The following TNKS1BP1 variants were observed in gnomAD, a reference collection of about 807,000 sequenced individuals.
The protein encoded by TNKS1BP1 is CCR4-NOT transcription complex subunit 12.
A neutral mutation model predicts 141.1 loss-of-function variants in TNKS1BP1; 48 were observed. That is an observed-to-expected ratio of 0.34 (90% CI 0.27 to 0.43). The LOEUF (loss-of-function observed/expected upper bound fraction) is 0.43, where lower values mean the gene tolerates loss of function less well. Ranked by LOEUF, TNKS1BP1 falls within the 20% of genes least tolerant of loss-of-function variation. The probability of loss-of-function intolerance (pLI) is 1.00; values close to 1 mark genes in which losing one functional copy is unlikely to be tolerated. For missense variants in TNKS1BP1, 2,149 were observed against 2,226.0 expected (o/e 0.97, Z 0.70); for synonymous variants, 875 against 898.2 (o/e 0.97, Z 0.46).
intron 5 of TNKS1BP1, among the ~76,000 whole-genome samples, chr11:57,312,082 A>G (rs1158876391): frequency 1.3e-5 from 2 of 152,204 alleles, no homozygotes; most frequent in Admixed American, 1.3e-4. Flanking sequence ...ACCTGGGCAA[A>G]GGAAAGCAGA....
At chr11:57,323,460 A>C (rs1168909452) in intron 1 of TNKS1BP1, among the ~76,000 whole-genome samples, 1 of 152,194 alleles carries the variant, frequency 6.6e-6, no homozygotes. Flanking sequence ...CCAACCTGCA[A>C]GGGGCATTGC....
chr11:57,314,927 C>T (rs1218738657), intron 4 of TNKS1BP1, among the ~76,000 whole-genome samples: 2 of 152,172 alleles, frequency 1.3e-5, no homozygotes, highest in African/African-American at 2.4e-5. Flanking sequence ...CCCTCTGCAA[C>T]GTTCTAATGT....
intron 4 of TNKS1BP1, among the ~76,000 whole-genome samples, chr11:57,315,232 A>C (rs11604778): frequency 2.0e-5 from 3 of 150,014 alleles, no homozygotes; most frequent in Non-Finnish European, 3.0e-5. Flanking sequence ...CCACTTGCCC[A>C]CCCCCACCGC....
At chr11:57,322,332 T>C in intron 1 of TNKS1BP1, 1 of 989,154 alleles carries the variant, frequency 1.0e-6, no homozygotes, top group African/African-American at 1.7e-5. Context: ...TGTCTGTGAA[T>C]CACCTCACGG....
Position 57,302,623 on chromosome 11 carries a change from A to C in TNKS1BP1, c.4519T>G (p.Trp1507Gly). The C allele has an allele frequency of 6.2e-7, 1 of 1,611,908 alleles. No individual in the cohort carries two copies. Among genetic ancestry groups the C allele is most frequent in the Non-Finnish European group, 8.5e-7 (1 of 1,179,616 alleles). ...LEPGRDSPPS[W>G]RPQPDGEASQ... ...GCCTCACCATCAGGCTGCGGCCTCC[A>C]GGAGGGTGGAGAGTCCCTGCCAGGC... is the stretch of plus-strand genomic sequence containing the variant. The change falls in exon 7 of 12, where the codon TGG (tryptophan) becomes GGG (glycine). Residue 1507 changes from tryptophan to glycine, a missense_variant. Trp to Gly is a radical substitution (Grantham distance 184). Coordinates refer to ENST00000358252, the MANE Select transcript of TNKS1BP1 (RefSeq NM_033396.3). This position sits in a 1 kb window ranked among gnomAD's most constrained non-coding sequence, Gnocchi z 5.5.
Position 57,320,317 on chromosome 11 carries a change from T to G in TNKS1BP1, c.490A>C (p.Ile164Leu). ...CGAGGCTGCTCCATCTTGGCCAGGATCTCTTCCACCGTGGTGGCCGCGAAG... is the reference window on the plus strand; with the variant it reads ...CGAGGCTGCTCCATCTTGGCCAGGAGCTCTTCCACCGTGGTGGCCGCGAAG... ...ERFAATTVEE[I>L]LAKMEQPRKE... Residue 164 changes from isoleucine to leucine, a missense_variant, in exon 3 of 12, where the codon ATC (isoleucine) becomes CTC (leucine). Ile to Leu is a conservative substitution (Grantham distance 5). Transcript: ENST00000358252. The G allele has an allele frequency of 1.2e-6, 2 of 1,614,064 alleles. No homozygotes were observed. Among genetic ancestry groups the G allele is most frequent in the South Asian group, 2.2e-5 (2 of 91,074 alleles).
Position 57,313,673 on chromosome 11 carries a change from G to C in TNKS1BP1, c.1015C>G (p.Pro339Ala). The C allele has an allele frequency of 6.4e-7, 1 of 1,567,838 alleles. No individual in the cohort carries two copies. Among genetic ancestry groups the C allele is most frequent in the East Asian group, 2.3e-5 (1 of 42,598 alleles). The stretch of plus-strand genomic sequence containing the variant: ...CCCTCGTCAGGCAGGGCTGCACTTG[G>C]AGCTGATGGAGTCACAGCGGGGCAG... ...SPCPAVTPSA[P>A]SAALPDEGSR... is the part of the protein sequence containing the mutation. The change falls in exon 5 of 12, where the codon CCA (proline) becomes GCA (alanine). Residue 339 changes from proline (P) to alanine (A), a missense_variant. Transcript: ENST00000358252.
In TNKS1BP1 at chr11:57,313,134, G is replaced by C; in HGVS notation, c.1554C>G (p.Ser518=). Residue 518 remains serine (S), a synonymous_variant, in exon 5 of 12, where the codon TCC becomes TCG. Transcript: ENST00000358252. ...GCTGAGACACTCCTTCTTCCCTGCT[G>C]GAAACGGCCAAGTTGCCAGCCTCAG... The part of the protein sequence containing the change: ...EAAEAGNLAV[S]SREEGVSQQG... 6.2e-7 allele frequency: 1 copy of C among 1,613,180 alleles called. No homozygotes were observed. The highest frequency in any genetic ancestry group is 8.5e-7 in the Non-Finnish European group (1 of 1,180,028).
chr11:57,310,131 T>C lies in TNKS1BP1; in HGVS notation c.2580A>G (p.Ala860=). The C allele has an allele frequency of 6.2e-7, 1 of 1,614,152 alleles. No homozygotes were observed. The highest frequency in any genetic ancestry group is 8.5e-7 in the Non-Finnish European group (1 of 1,180,026). ...DSQGTYSSRD[A]ELQDQEFGKR... is the part of the protein sequence containing the mutation. ...TTCCGAATTCCTGGTCCTGGAGTTC[T>C]GCATCCCGGCTGGAGTAAGTGCCCT... Residue 860 remains alanine, a synonymous_variant, in exon 6 of 12, where the codon GCA becomes GCG. Coordinates refer to ENST00000358252, the MANE Select transcript of TNKS1BP1 (RefSeq NM_033396.3).
chr11:57,317,958 G>T, intron 3 of TNKS1BP1, 71 bp from the exon 4 acceptor site: 1 of 1,464,850 alleles, frequency 6.8e-7, no homozygotes, highest in Non-Finnish European at 9.5e-7. Context: ...AAATGTGGGA[G>T]AGTCTCCCAG....
Position 57,313,297 on chromosome 11 carries a change from A to G in TNKS1BP1, c.1391T>C (p.Phe464Ser), listed in dbSNP as rs139625083. ...TAAGCTCCAGTTGGACTCTGCCCCA[A>G]AGGGACGATCCAGGGCCAACTGGCT... is the stretch of plus-strand genomic sequence containing the variant. ...QGSQLALDRPFGAESNWSLSQ... is the reference protein window; with the variant it reads ...QGSQLALDRPSGAESNWSLSQ... Residue 464 changes from phenylalanine to serine, a missense_variant, in exon 5 of 12, where the codon TTT becomes TCT. Transcript: ENST00000358252. 8.7e-5 allele frequency: 140 copies of G among 1,612,994 alleles called. No homozygotes were observed. The African/African-American group carries it at 1.7e-3, about 19-fold the overall frequency.
At position 57,320,703 on chromosome 11, in the gene TNKS1BP1, C is replaced by G. The variant is rs373685454; in HGVS notation, c.104G>C (p.Arg35Pro). 1 of 1,578,530 alleles carries G rather than the reference C, an allele frequency of 6.3e-7. No individual in the cohort carries two copies. Among genetic ancestry groups the G allele is most frequent in the East Asian group, 2.3e-5 (1 of 44,290 alleles). ...VPTGSEPGDT[R>P]AKPPVKPKPR... is the part of the protein sequence containing the mutation. Reference sequence around the variant, plus strand: ...TTTGGGCTTGACAGGGGGTTTGGCCCGAGTGTCACCTACCAAAAGGAAAGG... The same window carrying G: ...TTTGGGCTTGACAGGGGGTTTGGCCGGAGTGTCACCTACCAAAAGGAAAGG... The change falls in exon 3 of 12, where the codon CGG becomes CCG. Residue 35 changes from arginine (R) to proline (P), a missense_variant. Physicochemically the swap from Arg to Pro is moderately radical, Grantham distance 103. Coordinates refer to ENST00000358252, the MANE Select transcript of TNKS1BP1 (RefSeq NM_033396.3).
chr11:57,304,080 C>A (rs1213860226), intron 6 of TNKS1BP1, among the ~76,000 whole-genome samples: 3 of 152,094 alleles, frequency 2.0e-5, no homozygotes, highest in Non-Finnish European at 4.4e-5. Context: ...AGGCACGGCA[C>A]AGAGCCACAC....
rs1371021160 is a variant in TNKS1BP1 at position 57,320,671 on chromosome 11, C to G, written c.136G>C (p.Ala46Pro). ...GGCAGGGCTGGCTTGGCAGGCAGGG[C>G]CCGGGGTTTGGGCTTGACAGGGGGT... is the stretch of plus-strand genomic sequence containing the variant. ...AKPPVKPKPR[A>P]LPAKPALPAK... Residue 46 changes from alanine to proline, a missense_variant, in exon 3 of 12, where the codon GCC (alanine) becomes CCC (proline). Physicochemically the swap from Ala to Pro is conservative, Grantham distance 27 (BLOSUM62 -1). Transcript: ENST00000358252. 2 of 1,608,514 alleles carry G rather than the reference C, an allele frequency of 1.2e-6. No homozygotes were observed. The highest frequency in any genetic ancestry group is 1.7e-6 in the Non-Finnish European group (2 of 1,178,090).
At chr11:57,321,743 T>TGGGCGCC in intron 2 of TNKS1BP1, 49 bp downstream of exon 2, 2 of 1,186,780 alleles carry the variant, frequency 1.7e-6, no homozygotes, top group Non-Finnish European at 2.5e-6. Flanking sequence ...GCCTCTGTCC[T>TGGGCGCC]TCCCACCCCC....
rs754934774 is a variant in TNKS1BP1 at position 57,310,432 on chromosome 11, C to A, written c.2279G>T (p.Gly760Val). The change falls in exon 6 of 12, where the codon GGT (glycine) becomes GTT (valine). Residue 760 changes from glycine to valine, a missense_variant. Transcript: ENST00000358252. ...ACCTGGGTCTCCTCTAGGGCTTGCACCCCCAAGGCCATAGTCCTGAGAAGC... is the reference window on the plus strand; with the variant it reads ...ACCTGGGTCTCCTCTAGGGCTTGCAACCCCAAGGCCATAGTCCTGAGAAGC... ...QGASQDYGLGGASPRGDPGLG... is the reference protein window; with the variant it reads ...QGASQDYGLGVASPRGDPGLG... 2 of 1,613,710 alleles carry A rather than the reference C, an allele frequency of 1.2e-6. No homozygotes were observed. Among genetic ancestry groups the A allele is most frequent in the East Asian group, 2.2e-5 (1 of 44,886 alleles).
intron 6 of TNKS1BP1, among the ~76,000 whole-genome samples, chr11:57,307,459 C>T (rs902946711): frequency 6.6e-6 from 1 of 152,072 alleles, no homozygotes. Context: ...CCCTTCTCCT[C>T]CTCCATCCCA....
intron 3 of TNKS1BP1, 94 bp downstream of exon 3, chr11:57,319,985 A>G (rs1855856562): frequency 2.0e-6 from 3 of 1,530,494 alleles, no homozygotes; most frequent in Non-Finnish European, 2.7e-6. Flanking sequence ...TCACAACCCT[A>G]TATGGGGCCA....
At chr11:57,317,917 C>T in intron 3 of TNKS1BP1, 30 bp from the exon 4 acceptor site, 1 of 1,606,870 alleles carries the variant, frequency 6.2e-7, no homozygotes, top group South Asian at 1.1e-5. Context: ...GAAATGGAAG[C>T]ACGGAATGTT....
Sources: allele counts gnomAD v4.1 joint callset (sites outside exome capture counted in the v4.1 genomes callset), GRCh38; gene constraint gnomAD v4.1.1; non-coding constraint Gnocchi (gnomAD v3.1); transcripts MANE v1.5; gene names NCBI Gene and HGNC (gene_info 2026-07-23, HGNC 2026-07-21).